The following LDLRAD3 variants were observed in gnomAD, a reference collection of about 807,000 sequenced individuals.
The protein encoded by LDLRAD3 is low density lipoprotein receptor class A domain containing 3.
Under a neutral mutation model 29.4 loss-of-function variants are expected in LDLRAD3, and 20 were observed. That is an observed-to-expected ratio of 0.68 (90% CI 0.48 to 0.99). The LOEUF is 0.99. LDLRAD3 is among the 50% of genes least tolerant of loss of function. LDLRAD3 has a pLI of 0.00. For missense variants in LDLRAD3, 420 were observed against 454.3 expected, an observed-to-expected ratio of 0.92 and a Z score of 0.69; for synonymous variants, 157 against 192.7, an observed-to-expected ratio of 0.81 and a Z score of 1.53.
chr11:36,067,303 T>C (rs1029427294), intron 2 of LDLRAD3, among the ~76,000 whole-genome samples: 5 of 152,196 alleles, frequency 3.3e-5, no homozygotes, highest in African/African-American at 4.8e-5. Flanking sequence ...TAATAATAGC[T>C]AATACTGTAT....
At chr11:36,175,283 T>C (rs1293686718) in intron 4 of LDLRAD3, among the ~76,000 whole-genome samples, 3 of 152,184 alleles carry the variant, frequency 2.0e-5, no homozygotes, top group South Asian at 4.1e-4. Context: ...ATTTATCTTC[T>C]GTAATTTTTT....
intron 4 of LDLRAD3, among the ~76,000 whole-genome samples, chr11:36,210,953 G>A (rs372608229): frequency 4.6e-5 from 7 of 152,174 alleles, no homozygotes; most frequent in Admixed American, 4.6e-4. Flanking sequence ...ATTTTCTACA[G>A]CAGTTATAGT....
chr11:36,016,536 C>T (rs1291645933), intron 1 of LDLRAD3, among the ~76,000 whole-genome samples: 2 of 152,152 alleles, frequency 1.3e-5, no homozygotes, highest in African/African-American at 2.4e-5. Flanking sequence ...CAATGAGCAG[C>T]GCTATGCCAC....
In LDLRAD3 at chr11:36,115,639, C is replaced by T. The variant is rs78226145; in HGVS notation, c.454+17178C>T. On this transcript the variant is annotated intron_variant, in intron 4 of 5. Coordinates refer to ENST00000315571, the MANE Select transcript of LDLRAD3 (RefSeq NM_174902.4). ...CACACAGCTATTCCTTATCACCCCACGGTCACATCCGCAAAAGGACGCCCC... is the reference window on the plus strand; with the variant it reads ...CACACAGCTATTCCTTATCACCCCATGGTCACATCCGCAAAAGGACGCCCC... 8.5e-4 allele frequency among the ~76,000 whole-genome samples: 130 copies of T among 152,290 alleles called. 1 individual carries two copies. The East Asian group carries it at 0.018, about 21-fold the overall frequency.
chr11:36,148,375 CAG>C (rs371522015), intron 4 of LDLRAD3, among the ~76,000 whole-genome samples: 40 of 152,198 alleles, frequency 2.6e-4, no homozygotes, highest in African/African-American at 9.2e-4. Context: ...TCGATACACT[CAG>C]GGTGTATTTT....
At chr11:36,044,279 G>A (rs550920981) in intron 2 of LDLRAD3, among the ~76,000 whole-genome samples, 11 of 152,292 alleles carry the variant, frequency 7.2e-5, no homozygotes, top group South Asian at 2.1e-4. Flanking sequence ...TGTGCAGGCC[G>A]TAAGCCAGTT....
chr11:36,110,114 A>G (rs1218383725), intron 4 of LDLRAD3: 3 of 152,186 alleles, frequency 2.0e-5, no homozygotes, highest in Non-Finnish European at 1.5e-5. Context: ...TCTTCTTAGT[A>G]ATAGAGTGTT....
At chr11:36,152,210 G>C (rs1854287719) in intron 4 of LDLRAD3, among the ~76,000 whole-genome samples, 1 of 152,150 alleles carries the variant, frequency 6.6e-6, no homozygotes, top group South Asian at 2.1e-4. Context: ...TGATACACGT[G>C]CTCCTGAAAG....
intron 4 of LDLRAD3, among the ~76,000 whole-genome samples, chr11:36,192,167 T>TA (rs1854963162): frequency 6.6e-6 from 1 of 152,350 alleles, no homozygotes; most frequent in East Asian, 1.9e-4. Context: ...GTGCACATGT[T>TA]ACTTTGATAG....
intron 4 of LDLRAD3, among the ~76,000 whole-genome samples, chr11:36,199,585 A>ACACACACACGCACGCACG (rs771281624): frequency 1.0e-4 from 15 of 150,354 alleles, no homozygotes; most frequent in African/African-American, 3.3e-4. Context: ...ACACACACAC[A>ACACACACACGCACGCACG]CACGCACGCA....
intron 1 of LDLRAD3, among the ~76,000 whole-genome samples, chr11:36,016,950 A>G (rs1306335757): frequency 6.6e-6 from 1 of 152,212 alleles, no homozygotes. Flanking sequence ...AGACATAATT[A>G]AAAGATAAAA....
rs186296962 is a variant in LDLRAD3, at chr11:35,952,779, G to A, written c.46+8635G>A. 5.8e-4 allele frequency among the ~76,000 whole-genome samples: 89 copies of A among 152,222 alleles called. 1 individual carries two copies. The highest frequency in any genetic ancestry group is 1.7e-3 in the East Asian group (9 of 5,182). On this transcript the variant is annotated intron_variant, in intron 1 of 5. Transcript: ENST00000315571. ...GATACAGTACTGATGATAATGCCTC[G>A]TATCAAAAGAGAAATTAAAGTATTT...
intron 4 of LDLRAD3, among the ~76,000 whole-genome samples, chr11:36,107,647 G>A (rs1853547920): frequency 6.6e-6 from 1 of 152,110 alleles, no homozygotes; most frequent in Non-Finnish European, 1.5e-5. Context: ...TTGTGTTACA[G>A]TTGCCTACAG....
chr11:36,081,892 C>G (rs11033408), intron 3 of LDLRAD3, 114 bp downstream of exon 3: 372,250 of 1,247,880 alleles, frequency 0.3, 56,896 homozygotes, highest in Admixed American at 0.41. Flanking sequence ...CAGGCATTCT[C>G]TTCTGTTACC....
At chr11:36,131,567 A>T (rs1463761067) in intron 4 of LDLRAD3, among the ~76,000 whole-genome samples, 2 of 152,204 alleles carry the variant, frequency 1.3e-5, no homozygotes, top group East Asian at 3.8e-4. Context: ...TATTCCTATT[A>T]TTGGGGATGC....
intron 1 of LDLRAD3, among the ~76,000 whole-genome samples, chr11:36,018,996 G>T (rs992824251): frequency 6.6e-6 from 1 of 152,022 alleles, no homozygotes; most frequent in African/African-American, 2.4e-5. Flanking sequence ...AAAAAATCTC[G>T]ATGGGCATTT....
intron 4 of LDLRAD3, among the ~76,000 whole-genome samples, chr11:36,115,745 C>T (rs934705508): frequency 2.6e-5 from 4 of 152,202 alleles, no homozygotes; most frequent in African/African-American, 4.8e-5. Flanking sequence ...TCCCTGATCC[C>T]TCACTTCCTT....
chr11:36,052,616 A>G (rs1852544953), intron 2 of LDLRAD3, among the ~76,000 whole-genome samples: 1 of 152,226 alleles, frequency 6.6e-6, no homozygotes, highest in African/African-American at 2.4e-5. Flanking sequence ...GTTCCTTTGC[A>G]TACTGGACAC....
intron 4 of LDLRAD3, among the ~76,000 whole-genome samples, chr11:36,194,352 C>T (rs1358162156): frequency 6.6e-6 from 1 of 152,160 alleles, no homozygotes; most frequent in African/African-American, 2.4e-5. Flanking sequence ...ATTTCACTGG[C>T]CAAAGCCCAT....
Sources: allele counts gnomAD v4.1 joint callset (sites outside exome capture counted in the v4.1 genomes callset), GRCh38; gene constraint gnomAD v4.1.1; transcripts MANE v1.5; gene names NCBI Gene and HGNC (gene_info 2026-07-23, HGNC 2026-07-21).